TSHZ3: variants seen among roughly 807,000 people sequenced by gnomAD.
TSHZ3 encodes teashirt homolog 3.
A neutral mutation model predicts 64.5 loss-of-function variants in TSHZ3; 10 were observed. The ratio of observed to expected loss-of-function variants is 0.16; its 90% CI spans 0.10 to 0.26. The LOEUF (loss-of-function observed/expected upper bound fraction) is 0.26, where lower values mean the gene tolerates loss of function less well. Among genes scored for constraint, TSHZ3 ranks in the 10% least tolerant of loss-of-function variants. TSHZ3 has a pLI of 1.00. For missense variants in TSHZ3, 1,242 were observed against 1,421.7 expected (o/e 0.87, Z 2.03); for synonymous variants, 608 against 593.1 (o/e 1.03, Z -0.36).
intron 4 of TSHZ3, chr19:31,207,450 G>A (rs1975197296): frequency 6.6e-6 from 1 of 152,142 alleles, no homozygotes; most frequent in Admixed American, 6.5e-5. Flanking sequence ...ATGCCATTCA[G>A]AACCTCAAGT....
At chr19:31,302,174 C>T (rs140725383) in intron 1 of TSHZ3, among the ~76,000 whole-genome samples, 1 of 152,298 alleles carries the variant, frequency 6.6e-6, no homozygotes, top group African/African-American at 2.4e-5. Context: ...CAGGGCCTCT[C>T]CAGGTCTAGG....
At chr19:31,169,518 T>A (rs1048808432) in intron 5 of TSHZ3, among the ~76,000 whole-genome samples, 3 of 152,202 alleles carry the variant, frequency 2.0e-5, no homozygotes, top group Non-Finnish European at 4.4e-5. Context: ...CTGGGGAAGA[T>A]GAAAGGATTC....
chr19:31,239,898 T>A (rs1166440855), intron 3 of TSHZ3, among the ~76,000 whole-genome samples: 1 of 152,246 alleles, frequency 6.6e-6, no homozygotes, highest in African/African-American at 2.4e-5. Flanking sequence ...CTTCATTGTT[T>A]GATATGAAAA....
intron 5 of TSHZ3, among the ~76,000 whole-genome samples, chr19:31,183,317 C>T (rs1404509351): frequency 6.6e-6 from 1 of 151,854 alleles, no homozygotes. Flanking sequence ...TCAACACATG[C>T]CTTTTCCCTG....
At chr19:31,284,976 G>C (rs1976429948) in intron 1 of TSHZ3, among the ~76,000 whole-genome samples, 1 of 152,204 alleles carries the variant, frequency 6.6e-6, no homozygotes, top group African/African-American at 2.4e-5. Context: ...CAAAGCAGAT[G>C]TGCTGGGGTG....
At chr19:31,246,197 CA>C (rs1373989793) in intron 1 of TSHZ3, among the ~76,000 whole-genome samples, 21 of 152,028 alleles carry the variant, frequency 1.4e-4, no homozygotes, top group Non-Finnish European at 3.1e-4. Flanking sequence ...AAAAATAAGT[CA>C]AAACACTACA....
intron 1 of TSHZ3, among the ~76,000 whole-genome samples, chr19:31,328,999 G>T (rs918817203): frequency 1.3e-5 from 2 of 152,162 alleles, no homozygotes; most frequent in African/African-American, 4.8e-5. Context: ...TACAGGGGCC[G>T]TGTGAGCTCC....
chr19:31,296,050 G>T (rs1158692729), intron 1 of TSHZ3, among the ~76,000 whole-genome samples: 1 of 150,898 alleles, frequency 6.6e-6, no homozygotes, highest in African/African-American at 2.5e-5. Flanking sequence ...CATATGAGGA[G>T]ATCTCTAAGA....
chr19:31,349,533 C>G (rs1195117010), upstream of TSHZ3: 12 of 304,188 alleles, frequency 3.9e-5, no homozygotes, highest in Non-Finnish European at 5.9e-5. Context: ...ACCGCGCTGC[C>G]GGCGGAATGG....
At chr19:31,281,841 A>G (rs185069967) in intron 1 of TSHZ3, among the ~76,000 whole-genome samples, 22 of 152,330 alleles carry the variant, frequency 1.4e-4, no homozygotes, top group African/African-American at 4.1e-4. Flanking sequence ...CAAAACTCCA[A>G]TGGAGTGGCA....
At chr19:31,290,455 C>G (rs896693902) in intron 1 of TSHZ3, among the ~76,000 whole-genome samples, 2 of 151,880 alleles carry the variant, frequency 1.3e-5, no homozygotes, top group South Asian at 4.2e-4. Flanking sequence ...CTGGGGGGTA[C>G]CAATATGCTT....
rs137885749 is a variant in TSHZ3, at chr19:31,194,974, G to A, written n.809+9982C>T. 5.3e-5 allele frequency among the ~76,000 whole-genome samples: 8 copies of A among 152,178 alleles called. No homozygotes were observed. In the East Asian group the frequency reaches 1.5e-3, roughly 29 times the overall value. ...CCTTTGATGGGCTTGTAGTAAATTG[G>A]ACATGGCTGAAGAAAGAATCTCTGA... On this transcript the variant is annotated intron_variant and non_coding_transcript_variant, in intron 5 of 6. Coordinates refer to the TSHZ3 transcript ENST00000651361.
At chr19:31,185,524 C>G (rs1032740057) in intron 5 of TSHZ3, among the ~76,000 whole-genome samples, 1 of 152,272 alleles carries the variant, frequency 6.6e-6, no homozygotes, top group Non-Finnish European at 1.5e-5. Context: ...AGAGGGAGCT[C>G]AGTGGAGTCT....
intron 6 of TSHZ3, among the ~76,000 whole-genome samples, chr19:31,154,075 G>T (rs371650464): frequency 1.3e-5 from 2 of 152,242 alleles, no homozygotes; most frequent in African/African-American, 4.8e-5. Context: ...GCATGTTTCT[G>T]CTCATTTCTT....
At chr19:31,320,192 CG>C (rs1916724666) in intron 1 of TSHZ3, among the ~76,000 whole-genome samples, 1 of 152,142 alleles carries the variant, frequency 6.6e-6, no homozygotes, top group Admixed American at 6.5e-5. Flanking sequence ...AACATGACCA[CG>C]GGGCTTCTCC....
intron 4 of TSHZ3, among the ~76,000 whole-genome samples, chr19:31,213,391 A>AAAAAAAAC (rs1975286728): frequency 6.9e-6 from 1 of 145,292 alleles, no homozygotes; most frequent in Non-Finnish European, 1.5e-5. Flanking sequence ...AAAAAAAAAA[A>AAAAAAAAC]TCAGTGGTGT....
At chr19:31,269,391 AT>A (rs1205055757) in intron 1 of TSHZ3, among the ~76,000 whole-genome samples, 1 of 151,712 alleles carries the variant, frequency 6.6e-6, no homozygotes, top group Admixed American at 6.6e-5. Context: ...CCGTACCTCC[AT>A]TTTTTTTAAG....
At chr19:31,180,075 A>C (rs1974687889) in intron 5 of TSHZ3, among the ~76,000 whole-genome samples, 1 of 152,096 alleles carries the variant, frequency 6.6e-6, no homozygotes, top group African/African-American at 2.4e-5. Flanking sequence ...GGCAATTTGT[A>C]TTATAATTAC....
In TSHZ3 at chr19:31,349,400, G is replaced by A. The variant is rs1008595666; in HGVS notation, c.-181C>T. On this transcript the variant is annotated 5_prime_UTR_variant, in exon 1 of 2. Transcript: ENST00000240587. ...GCTCTCCGCGTCCCCCCCGCGCCGCGCTCCGCCGCGAACCCCGAACGTGCG... is the reference window on the plus strand; with the variant it reads ...GCTCTCCGCGTCCCCCCCGCGCCGCACTCCGCCGCGAACCCCGAACGTGCG... 101 of 451,904 alleles carry A rather than the reference G, an allele frequency of 2.2e-4. No individual in the cohort carries two copies. Among genetic ancestry groups the A allele is most frequent in the African/African-American group, 1.9e-3 (90 of 48,310 alleles). 28.0% of individuals were successfully genotyped at this position (451,904 alleles called of 1,614,324 possible).
Sources: gnomAD v4.1 joint callset for allele counts (sites outside exome capture counted in the v4.1 genomes callset) on GRCh38, gnomAD v4.1.1 for gene constraint, MANE v1.5 for transcripts, NCBI Gene and HGNC (gene_info 2026-07-23, HGNC 2026-07-21) for gene names.